MSX2: variants seen among roughly 807,000 people sequenced by gnomAD.
MSX2 encodes the protein msh homeobox 2.
Under a neutral mutation model 18.4 loss-of-function variants are expected in MSX2, and 10 were observed. That is an observed-to-expected ratio of 0.54 (90% CI 0.34 to 0.92). The LOEUF (loss-of-function observed/expected upper bound fraction) is 0.92, where lower values mean the gene tolerates loss of function less well. Among genes scored for constraint, MSX2 ranks in the 40% least tolerant of loss-of-function variants. The probability of loss-of-function intolerance (pLI) is 0.02; values close to 1 mark genes in which losing one functional copy is unlikely to be tolerated. For synonymous variants in MSX2, 170 were observed against 165.6 expected (o/e 1.03, Z -0.20); for missense variants, 339 against 364.0 (o/e 0.93, Z 0.56).
chr5:174,728,085 C>T (rs895632749), intron 1 of MSX2, among the ~76,000 whole-genome samples: 1 of 152,192 alleles, frequency 6.6e-6, no homozygotes, highest in African/African-American at 2.4e-5. Flanking sequence ...AAGGATGTCC[C>T]AGTCCGTGAT....
intron 1 of MSX2, 43 bp from the exon 2 acceptor site, chr5:174,729,116 T>C (rs1463406703): frequency 5.0e-6 from 8 of 1,593,532 alleles, no homozygotes; most frequent in Non-Finnish European, 6.9e-6. Flanking sequence ...ATTATTTTAA[T>C]GTAACTTTCT....
intron 1 of MSX2, among the ~76,000 whole-genome samples, 177 bp from the exon 2 acceptor site, chr5:174,728,982 T>A (rs1760862792): frequency 6.8e-6 from 1 of 146,070 alleles, no homozygotes; most frequent in Admixed American, 6.8e-5. Flanking sequence ...TGTGTGTGTG[T>A]GTGTGTGTGT....
chr5:174,724,754 A>AT lies in MSX2; in HGVS notation c.95_96insT (p.Glu32AspfsTer213). On this transcript the variant is annotated frameshift_variant, in exon 1 of 2. Transcript: ENST00000239243. LOFTEE classifies it high-confidence loss of function. ...CCAGGCCCGGGGCCTGGGGGCGCCG[A>AT]GGGGGCCGCGGAGGAGCGCCGCGTC... 1 of 1,569,172 alleles carries AT rather than the reference A, an allele frequency of 6.4e-7. No individual in the cohort carries two copies. The highest frequency in any genetic ancestry group is 8.6e-7 in the Non-Finnish European group (1 of 1,157,946).
intron 1 of MSX2, among the ~76,000 whole-genome samples, 191 bp from the exon 2 acceptor site, chr5:174,728,968 T>G (rs1396886832): frequency 4.3e-3 from 7 of 1,618 alleles, no homozygotes; most frequent in African/African-American, 0.012. Context: ...TACATAGATA[T>G]GTGTGTGTGT....
chr5:174,724,820 C>G lies in MSX2; in HGVS notation c.161C>G (p.Ser54Cys). The G allele has an allele frequency of 2.6e-6, 4 of 1,551,612 alleles. No homozygotes were observed. The highest frequency in any genetic ancestry group is 3.5e-6 in the Non-Finnish European group (4 of 1,147,988). ...CCCTTCAGCGTGGAGGCGCTCATGTCCGACAAGAAGCCGCCCAAGGAGGCG... is the reference window on the plus strand; with the variant it reads ...CCCTTCAGCGTGGAGGCGCTCATGTGCGACAAGAAGCCGCCCAAGGAGGCG... ...SLPFSVEALM[S>C]DKKPPKEASP... Residue 54 changes from serine (S) to cysteine (C), a missense_variant, in exon 1 of 2, where the codon TCC becomes TGC. By Grantham distance (112) the Ser-to-Cys change is moderately radical. Around this residue, in one of 2 missense-constraint regions of MSX2, gnomAD observed 211 missense variants for 185.4 expected, o/e 1.14. Coordinates refer to ENST00000239243, the MANE Select transcript of MSX2 (RefSeq NM_002449.5).
chr5:174,728,515 A>T (rs181509967), intron 1 of MSX2, among the ~76,000 whole-genome samples: 172 of 152,350 alleles, frequency 1.1e-3, no homozygotes, highest in African/African-American at 3.8e-3. Flanking sequence ...ATCCTTCATA[A>T]ATATGCTGAC....
In MSX2 at chr5:174,729,685, C is replaced by T. The variant is rs886060426; in HGVS notation, c.*102C>T. 4.0e-5 allele frequency: 49 copies of T among 1,232,882 alleles called. No homozygotes were observed. The highest frequency in any genetic ancestry group is 1.9e-4 in the Middle Eastern group (1 of 5,378). 76.4% of individuals were successfully genotyped at this position (1,232,882 alleles called of 1,614,324 possible). A position where few individuals can be genotyped will look rare whatever the true frequency, so the allele number is the denominator to read the frequency against. On this transcript the variant is annotated 3_prime_UTR_variant, in exon 2 of 2. Transcript: ENST00000239243. ...CAGCCAGTACTCCTGCTCTGCTAACCCTGCGTGCACCACCCTAAGCGGCTA... is the reference window on the plus strand; with the variant it reads ...CAGCCAGTACTCCTGCTCTGCTAACTCTGCGTGCACCACCCTAAGCGGCTA...
chr5:174,725,707 G>A (rs763529205), intron 1 of MSX2, among the ~76,000 whole-genome samples: 5 of 152,164 alleles, frequency 3.3e-5, no homozygotes, highest in African/African-American at 7.2e-5. Flanking sequence ...GAGCTTCGCC[G>A]GGAGCGGGCT....
At chr5:174,727,996 A>G (rs1280975760) in intron 1 of MSX2, among the ~76,000 whole-genome samples, 1 of 152,240 alleles carries the variant, frequency 6.6e-6, no homozygotes, top group Non-Finnish European at 1.5e-5. Context: ...TAAGTATTCT[A>G]TCACCACAGC....
rs759220876 is a variant in MSX2, at chr5:174,729,273, A to G, written c.494A>G (p.Gln165Arg). 6.2e-7 allele frequency: 1 copy of G among 1,614,214 alleles called. No homozygotes were observed. Among genetic ancestry groups the G allele is most frequent in the Non-Finnish European group, 8.5e-7 (1 of 1,180,046 alleles). Reference sequence around the variant, plus strand: ...CTGGAGCGCAAGTTCCGTCAGAAACAGTACCTCTCCATTGCAGAGCGTGCA... The same window carrying G: ...CTGGAGCGCAAGTTCCGTCAGAAACGGTACCTCTCCATTGCAGAGCGTGCA... Reference protein sequence around the residue: ...LALERKFRQKQYLSIAERAEF... With the variant: ...LALERKFRQKRYLSIAERAEF... Residue 165 changes from glutamine to arginine, a missense_variant, in exon 2 of 2, where the codon CAG becomes CGG. Coordinates refer to ENST00000239243, the MANE Select transcript of MSX2 (RefSeq NM_002449.5).
rs114558394 is a variant in MSX2 at position 174,725,429 on chromosome 5, G to C, written c.379+391G>C. Among the ~76,000 whole-genome samples, 562 of 152,266 alleles carry C rather than the reference G, an allele frequency of 3.7e-3. 4 individuals are homozygous for C. Among genetic ancestry groups the C allele is most frequent in the African/African-American group, 0.013 (539 of 41,550 alleles). ...TCTCTGCCTGGGGAGTGAAGGAGTT[G>C]GATCCATGTTCAGTGAGCACTTGGA... is the stretch of plus-strand genomic sequence containing the variant. On this transcript the variant is annotated intron_variant, in intron 1 of 1. Coordinates refer to ENST00000239243, the MANE Select transcript of MSX2 (RefSeq NM_002449.5).
At position 174,729,253 on chromosome 5, in the gene MSX2, G is replaced by A; in HGVS notation, c.474G>A (p.Glu158=). 3 of 1,614,188 alleles carry A rather than the reference G, an allele frequency of 1.9e-6. No homozygotes were observed. The highest frequency in any genetic ancestry group is 2.5e-6 in the Non-Finnish European group (3 of 1,180,052). ...PFTTSQLLAL[E]RKFRQKQYLS... is the part of the protein sequence containing the mutation. ...CCACATCCCAGCTCCTCGCCCTGGA[G>A]CGCAAGTTCCGTCAGAAACAGTACC... The change falls in exon 2 of 2, where the codon GAG becomes GAA. Residue 158 remains glutamate, a synonymous_variant. Coordinates refer to ENST00000239243, the MANE Select transcript of MSX2 (RefSeq NM_002449.5).
chr5:174,727,005 C>A (rs1296527617), intron 1 of MSX2, among the ~76,000 whole-genome samples: 1 of 151,772 alleles, frequency 6.6e-6, no homozygotes, highest in Non-Finnish European at 1.5e-5. Flanking sequence ...TTCTGAGAAC[C>A]GAGTTTATAA....
At chr5:174,725,150 C>T in intron 1 of MSX2, 112 bp downstream of exon 1, 14 of 1,471,674 alleles carry the variant, frequency 9.5e-6, no homozygotes, top group African/African-American at 2.8e-5. Flanking sequence ...GCTACACTCC[C>T]GGGAAAGCAA....
chr5:174,724,682 A>T lies in MSX2; in HGVS notation c.23A>T (p.Asn8Ile). ...GTCATGGCTTCTCCGTCCAAAGGCAATGACTTGTTTTCGCCCGACGAGGAG... is the reference window on the plus strand; with the variant it reads ...GTCATGGCTTCTCCGTCCAAAGGCATTGACTTGTTTTCGCCCGACGAGGAG... MASPSKG[N>I]DLFSPDEEGP... The change falls in exon 1 of 2, where the codon AAT becomes ATT. Residue 8 changes from asparagine to isoleucine, a missense_variant. Transcript: ENST00000239243. The T allele has an allele frequency of 6.3e-7, 1 of 1,587,650 alleles. No homozygotes were observed. Among genetic ancestry groups the T allele is most frequent in the Non-Finnish European group, 8.6e-7 (1 of 1,167,222 alleles).
chr5:174,725,145 A>C, intron 1 of MSX2, 107 bp downstream of exon 1: 1 of 1,479,094 alleles, frequency 6.8e-7, no homozygotes, highest in East Asian at 2.4e-5. Flanking sequence ...CGTGCGCTAC[A>C]CTCCCGGGAA....
chr5:174,724,968 G>T lies in MSX2; in HGVS notation c.309G>T (p.Ser103=), dbSNP rs775142998. Residue 103 remains serine, a synonymous_variant, in exon 1 of 2, where the codon TCG becomes TCT. Coordinates refer to ENST00000239243, the MANE Select transcript of MSX2 (RefSeq NM_002449.5). ...GPLVKPFETA[S]VKSENSEDGA... The stretch of plus-strand genomic sequence containing the variant: ...TGGTGAAGCCCTTCGAGACCGCCTC[G>T]GTCAAGTCGGAAAATTCAGAAGATG... The T allele has an allele frequency of 6.2e-7, 1 of 1,605,998 alleles. No homozygotes were observed. Among genetic ancestry groups the T allele is most frequent in the Non-Finnish European group, 8.5e-7 (1 of 1,177,860 alleles).
At chr5:174,728,426 CT>C (rs869225255) in intron 1 of MSX2, among the ~76,000 whole-genome samples, 1 of 2,016 alleles carries the variant, frequency 5.0e-4, no homozygotes, top group Non-Finnish European at 8.1e-3. Flanking sequence ...GCAATGACAG[CT>C]TGTGACTGTT....
chr5:174,728,892 C>A (rs368228499), intron 1 of MSX2, among the ~76,000 whole-genome samples: 9 of 152,096 alleles, frequency 5.9e-5, no homozygotes, highest in Middle Eastern at 3.4e-3. Flanking sequence ...CCCCCTCCCC[C>A]CAAGAAACAC....
Sources: allele counts gnomAD v4.1 joint callset (sites outside exome capture counted in the v4.1 genomes callset), GRCh38; gene constraint gnomAD v4.1.1; regional missense constraint gnomAD v4.1.1; transcripts MANE v1.5; gene names NCBI Gene and HGNC (gene_info 2026-07-23, HGNC 2026-07-21).